The following MAP3K9 variants were observed in gnomAD, a reference collection of about 807,000 sequenced individuals.
MAP3K9 encodes the protein mitogen-activated protein kinase kinase kinase 9, also known as mixed lineage kinase 1 (tyr and ser/thr specificity).
MAP3K9 carries 46 observed loss-of-function variants against 95.8 expected under a neutral mutation model. That is an observed-to-expected ratio of 0.48 (90% CI 0.38 to 0.61). The LOEUF (loss-of-function observed/expected upper bound fraction) is 0.61, where lower values mean the gene tolerates loss of function less well. Ranked by LOEUF, MAP3K9 falls within the 20% of genes least tolerant of loss-of-function variation. The pLI, the probability that MAP3K9 is intolerant of heterozygous loss-of-function variation, is 0.00. For synonymous variants in MAP3K9, 533 were observed against 593.8 expected (o/e 0.90, Z 1.49); for missense variants, 1,296 against 1,474.3 (o/e 0.88, Z 1.98).
At chr14:70,782,752 T>C (rs2054697321) in intron 2 of MAP3K9, among the ~76,000 whole-genome samples, 1 of 152,198 alleles carries the variant, frequency 6.6e-6, no homozygotes. Context: ...CCATGTCCAT[T>C]GCATGGGGAA....
At chr14:70,808,730 A>C in intron 1 of MAP3K9, 36 bp downstream of exon 1, 18 of 1,101,284 alleles carry the variant, frequency 1.6e-5, no homozygotes, top group Middle Eastern at 3.7e-4. Flanking sequence ...GGCCTCCGTC[A>C]TTCCCCCTCC....
rs528210375 is a variant in MAP3K9 at position 70,737,545 on chromosome 14, C to T, written c.1844+700G>A. On this transcript the variant is annotated intron_variant, in intron 8 of 11. Coordinates refer to ENST00000554752, the MANE Select transcript of MAP3K9 (RefSeq NM_001284230.2). ...ACAAGCACACTCCAGGCTCTCACCCCTCTTGTGCCCTGCCCAGAGGAGCCA... is the reference window on the plus strand; with the variant it reads ...ACAAGCACACTCCAGGCTCTCACCCTTCTTGTGCCCTGCCCAGAGGAGCCA... 9.2e-5 allele frequency among the ~76,000 whole-genome samples: 14 copies of T among 152,312 alleles called. No individual in the cohort carries two copies. In the East Asian group the frequency reaches 2.7e-3, roughly 29 times the overall value.
Position 70,730,553 on chromosome 14 carries a change from C to T in MAP3K9, c.3142G>A (p.Gly1048Arg), listed in dbSNP as rs1332877920. 2.5e-6 allele frequency: 4 copies of T among 1,613,888 alleles called. No homozygotes were observed. The African/African-American group carries it at 5.3e-5, about 22-fold the overall frequency. The stretch of plus-strand genomic sequence containing the variant: ...TGGAACGGGAGCAGGGCTGGAAGTC[C>T]AGGCCGCTCCTCTACAGTGCTGCTA... Reference protein sequence around the residue: ...SSSSTVEERPGLPALLPFQAG... With the variant: ...SSSSTVEERPRLPALLPFQAG... The change falls in exon 12 of 12, where the codon GGA becomes AGA. Residue 1048 changes from glycine (G) to arginine (R), a missense_variant. Gly to Arg is a moderately radical substitution (Grantham distance 125). Transcript: ENST00000554752.
chr14:70,733,358 G>C lies in MAP3K9; in HGVS notation c.2027-16C>G, dbSNP rs1178228281. The C allele has an allele frequency of 2.7e-6, 3 of 1,106,204 alleles. No individual in the cohort carries two copies. In the East Asian group the frequency reaches 7.3e-5, roughly 27 times the overall value. The allele number at this position is 1,106,204 out of a possible 1,614,324, so 68.5% of individuals were successfully genotyped here. On this transcript the variant is annotated splice_polypyrimidine_tract_variant and intron_variant, in intron 10 of 11. Transcript: ENST00000554752. ...TCCTCATCCTCTGTGAAGATGACAAGAGTGGAAGAGAAACAGGAAATGGAA... is the reference window on the plus strand; with the variant it reads ...TCCTCATCCTCTGTGAAGATGACAACAGTGGAAGAGAAACAGGAAATGGAA...
chr14:70,732,610 G>C lies in MAP3K9; in HGVS notation c.2759C>G (p.Ala920Gly), dbSNP rs761253772. 5 of 1,607,238 alleles carry C rather than the reference G, an allele frequency of 3.1e-6. No individual in the cohort carries two copies. The highest frequency in any genetic ancestry group is 4.3e-6 in the Non-Finnish European group (5 of 1,176,266). The change falls in exon 11 of 12, where the codon GCC becomes GGC. Residue 920 changes from alanine to glycine, a missense_variant. This residue lies in a region of MAP3K9 where 433 missense variants were observed against 441.4 expected (regional missense o/e 0.98). Coordinates refer to ENST00000554752, the MANE Select transcript of MAP3K9 (RefSeq NM_001284230.2). ...GGCTAGGAGAGTCTCTGGCTTAAGG[G>C]CCCCATCAGAAGGAGTCCGCCGGTG... The part of the protein sequence containing the change: ...SSHRRTPSDG[A>G]LKPETLLASR...
At chr14:70,734,554 C>CATGGAGCTGAGGG in intron 9 of MAP3K9, 56 bp from the exon 10 acceptor site, 2 of 1,006,042 alleles carry the variant, frequency 2.0e-6, no homozygotes, top group South Asian at 1.4e-5. Context: ...TTACTTGACC[C>CATGGAGCTGAGGG]TCAGCTCCAT....
chr14:70,801,551 C>T lies in MAP3K9; in HGVS notation c.407-471G>A, dbSNP rs766035432. On this transcript the variant is annotated intron_variant, in intron 1 of 11. Coordinates refer to ENST00000554752, the MANE Select transcript of MAP3K9 (RefSeq NM_001284230.2). The stretch of plus-strand genomic sequence containing the variant: ...ACAGGCATGAGCCACTGCACCTGGC[C>T]GAGATCCTTTCTTTGAGACTTACTC... Among the ~76,000 whole-genome samples the T allele has an allele frequency of 4.5e-4, 68 of 152,192 alleles. 1 individual carries two copies. The highest frequency in any genetic ancestry group is 1.9e-4 in the Non-Finnish European group (13 of 68,040).
chr14:70,793,846 G>C (rs12883168), intron 2 of MAP3K9, among the ~76,000 whole-genome samples: 4 of 152,120 alleles, frequency 2.6e-5, no homozygotes, highest in Admixed American at 2.6e-4. Flanking sequence ...AGGCCAGCAC[G>C]GTGTTTTGTT....
intron 10 of MAP3K9, chr14:70,733,768 A>G (rs1018716893): frequency 4.2e-6 from 3 of 718,284 alleles, no homozygotes; most frequent in Non-Finnish European, 5.2e-6. Context: ...TTCAATGTCG[A>G]TGGGCACCAC....
chr14:70,807,702 A>G (rs905690614), intron 1 of MAP3K9, among the ~76,000 whole-genome samples: 1 of 152,244 alleles, frequency 6.6e-6, no homozygotes, highest in African/African-American at 2.4e-5. Context: ...TTTTTAACAG[A>G]TAAGAGATTA....
At chr14:70,785,146 G>C (rs2054730935) in intron 2 of MAP3K9, among the ~76,000 whole-genome samples, 1 of 152,284 alleles carries the variant, frequency 6.6e-6, no homozygotes, top group African/African-American at 2.4e-5. Flanking sequence ...CTTGGGCAGG[G>C]CATTGTTAAA....
intron 2 of MAP3K9, among the ~76,000 whole-genome samples, chr14:70,779,133 CTTTCA>C (rs1286880807): frequency 1.3e-5 from 2 of 152,188 alleles, no homozygotes; most frequent in African/African-American, 4.8e-5. Flanking sequence ...TGGAGCAGAA[CTTTCA>C]TGAGGTAGAA....
intron 2 of MAP3K9, among the ~76,000 whole-genome samples, chr14:70,795,689 T>A (rs568064084): frequency 6.6e-6 from 1 of 152,338 alleles, no homozygotes; most frequent in Admixed American, 6.5e-5. Context: ...TCACTTTCAA[T>A]GTTTTTACTT....
chr14:70,744,992 C>T (rs2054125866), intron 5 of MAP3K9, among the ~76,000 whole-genome samples: 1 of 152,120 alleles, frequency 6.6e-6, no homozygotes, highest in African/African-American at 2.4e-5. Flanking sequence ...GCACTGAATT[C>T]CTGGCAAGAG....
At chr14:70,799,529 C>T (rs971027765) in intron 2 of MAP3K9, among the ~76,000 whole-genome samples, 1 of 151,944 alleles carries the variant, frequency 6.6e-6, no homozygotes, top group South Asian at 2.1e-4. Context: ...TTAGTGGAGA[C>T]GGGGTTTCAC....
At chr14:70,757,543 A>G (rs895160080) in intron 3 of MAP3K9, among the ~76,000 whole-genome samples, 1 of 152,146 alleles carries the variant, frequency 6.6e-6, no homozygotes, top group African/African-American at 2.4e-5. Flanking sequence ...TCTATTTTGT[A>G]TAAATTAACA....
chr14:70,804,715 C>A (rs1422186870), intron 1 of MAP3K9, among the ~76,000 whole-genome samples: 2 of 152,124 alleles, frequency 1.3e-5, no homozygotes, highest in African/African-American at 4.8e-5. Context: ...GTTTAAAAGA[C>A]ATGATTCAGT....
At position 70,727,103 on chromosome 14, in the gene MAP3K9, C is replaced by T. The variant is rs1223564167; in HGVS notation, c.*3277G>A. ...TCCCCTTCTCTACTAGCAAGGGTATCAAATGTACAAGGAAAATGATGTCAT... is the reference window on the plus strand; with the variant it reads ...TCCCCTTCTCTACTAGCAAGGGTATTAAATGTACAAGGAAAATGATGTCAT... On this transcript the variant is annotated 3_prime_UTR_variant, in exon 12 of 12. Transcript: ENST00000554752. 2.6e-5 allele frequency: 4 copies of T among 152,166 alleles called. No homozygotes were observed. The highest frequency in any genetic ancestry group is 2.0e-4 in the Admixed American group (3 of 15,284). The allele number at this position is 152,166 out of a possible 1,614,324, so 9.4% of individuals were successfully genotyped here.
intron 2 of MAP3K9, among the ~76,000 whole-genome samples, chr14:70,784,102 G>C (rs1246335116): frequency 6.6e-6 from 1 of 151,898 alleles, no homozygotes; most frequent in Non-Finnish European, 1.5e-5. Flanking sequence ...TGACCAACAT[G>C]GTGAAATTGC....
Sources: gnomAD v4.1 joint callset for allele counts (sites outside exome capture counted in the v4.1 genomes callset) on GRCh38, gnomAD v4.1.1 for gene constraint, gnomAD v4.1.1 regional missense constraint, MANE v1.5 for transcripts, NCBI Gene and HGNC (gene_info 2026-07-23, HGNC 2026-07-21) for gene names.